The following MRTFB variants were observed in gnomAD, a reference collection of about 807,000 sequenced individuals.
MRTFB encodes the protein myocardin-related transcription factor B.
Under a neutral mutation model 104.2 loss-of-function variants are expected in MRTFB, and 29 were observed. The observed-to-expected ratio is 0.28, with a 90% CI of 0.21 to 0.38. MRTFB has a LOEUF of 0.38. MRTFB is among the 10% of genes least tolerant of loss of function. MRTFB has a pLI of 1.00. For synonymous variants in MRTFB, 535 were observed against 519.5 expected (o/e 1.03, Z -0.41); for missense variants, 1,270 against 1,341.6 (o/e 0.95, Z 0.83).
At chr16:14,066,593 C>T (rs139989955), upstream of MRTFB, among the ~76,000 whole-genome samples, 175 of 151,782 alleles carry the variant, frequency 1.2e-3, 7 homozygotes, top group East Asian at 0.033. Context: ...TTTTTTAAAA[C>T]CTCTTACTTT....
intron 2 of MRTFB, among the ~76,000 whole-genome samples, chr16:14,127,740 A>G (rs1489566065): frequency 6.6e-6 from 1 of 150,658 alleles, no homozygotes; most frequent in Non-Finnish European, 1.5e-5. Flanking sequence ...ACAGCTGAGA[A>G]CCACTCTACT....
At chr16:14,245,848 G>C (rs30149) in intron 11 of MRTFB, among the ~76,000 whole-genome samples, 188 bp downstream of exon 11, 10,659 of 152,244 alleles carry the variant, frequency 0.07, 620 homozygotes, top group East Asian at 0.31. Context: ...ACCAATAACT[G>C]TCATTTACTG....
intron 8 of MRTFB, among the ~76,000 whole-genome samples, chr16:14,227,967 A>C (rs2042085906): frequency 1.3e-5 from 2 of 151,918 alleles, no homozygotes; most frequent in African/African-American, 4.8e-5. Context: ...AAAAAAAAAA[A>C]CAGGCAAAGG....
chr16:14,007,734 G>A, the MRTFB span, among the ~76,000 whole-genome samples: 4 of 152,272 alleles, frequency 2.6e-5, no homozygotes, highest in Admixed American at 1.3e-4. Flanking sequence ...CAGTTATTAC[G>A]ATCTGTCTTT....
the MRTFB span, among the ~76,000 whole-genome samples, chr16:14,024,756 C>T: frequency 6.6e-6 from 1 of 152,130 alleles, no homozygotes; most frequent in African/African-American, 2.4e-5. Context: ...TTTAATTTTA[C>T]ATTTTTATTT....
At chr16:14,127,934 T>A (rs1204635244) in intron 2 of MRTFB, among the ~76,000 whole-genome samples, 1,759 of 71,954 alleles carry the variant, frequency 0.024, 5 homozygotes, top group Non-Finnish European at 0.029. Flanking sequence ...TATATATTTT[T>A]TTTTTTTTTT....
At chr16:14,129,803 C>T (rs1416406254) in intron 2 of MRTFB, among the ~76,000 whole-genome samples, 2 of 152,040 alleles carry the variant, frequency 1.3e-5, no homozygotes, top group African/African-American at 2.4e-5. Context: ...CCTCATTAGT[C>T]ATGCATATGT....
intron 16 of MRTFB, among the ~76,000 whole-genome samples, chr16:14,260,354 T>TAA (rs11334309): frequency 5.6e-4 from 72 of 129,282 alleles, no homozygotes; most frequent in African/African-American, 1.6e-3. Context: ...ACTGTAATGA[T>TAA]AAAAAAAAAA....
chr16:13,999,697 G>A, the MRTFB span, among the ~76,000 whole-genome samples: 2 of 152,144 alleles, frequency 1.3e-5, no homozygotes, highest in African/African-American at 4.8e-5. Context: ...TAGAGCGAGA[G>A]ATGGAGAACG....
At chr16:14,221,221 G>C (rs1283843887) in intron 8 of MRTFB, among the ~76,000 whole-genome samples, 4 of 152,042 alleles carry the variant, frequency 2.6e-5, no homozygotes, top group East Asian at 1.9e-4. Flanking sequence ...TTTTGTTTTG[G>C]CAAATTTTAT....
At chr16:14,032,818 C>A in the MRTFB span, among the ~76,000 whole-genome samples, 473 of 152,104 alleles carry the variant, frequency 3.1e-3, 3 homozygotes, top group African/African-American at 0.011. Context: ...TGTGGAAAAC[C>A]CACACTTTTG....
intron 2 of MRTFB, among the ~76,000 whole-genome samples, chr16:14,095,063 C>A (rs2035287366): frequency 6.6e-6 from 1 of 152,148 alleles, no homozygotes; most frequent in African/African-American, 2.4e-5. Context: ...TCTTATCTTA[C>A]CAAAGAGAAC....
chr16:14,129,166 A>G (rs1399039723), intron 2 of MRTFB, among the ~76,000 whole-genome samples: 2 of 152,212 alleles, frequency 1.3e-5, no homozygotes, highest in East Asian at 1.9e-4. Flanking sequence ...CATTTAGGTC[A>G]TTTGGGTAGT....
At chr16:14,215,098 A>G (rs1282901761) in intron 6 of MRTFB, among the ~76,000 whole-genome samples, 2 of 152,212 alleles carry the variant, frequency 1.3e-5, no homozygotes, top group South Asian at 2.1e-4. Context: ...TGTAGTAACA[A>G]TGCTATCTGT....
chr16:14,174,689 C>G (rs2039526573), intron 3 of MRTFB, among the ~76,000 whole-genome samples: 1 of 151,832 alleles, frequency 6.6e-6, no homozygotes, highest in Non-Finnish European at 1.5e-5. Flanking sequence ...CTCCCCACCC[C>G]CCAGAAAAAA....
chr16:13,999,259 T>G, the MRTFB span, among the ~76,000 whole-genome samples: 1 of 151,428 alleles, frequency 6.6e-6, no homozygotes, highest in Admixed American at 6.6e-5. Flanking sequence ...AGGATGAAAC[T>G]GCAAAATGAA....
At chr16:14,197,836 G>A (rs2040507625) in intron 3 of MRTFB, among the ~76,000 whole-genome samples, 1 of 152,116 alleles carries the variant, frequency 6.6e-6, no homozygotes, top group Non-Finnish European at 1.5e-5. Flanking sequence ...GAATTATGGT[G>A]GTGAGAGGGG....
intron 2 of MRTFB, among the ~76,000 whole-genome samples, chr16:14,101,719 T>A (rs894434221): frequency 1.3e-5 from 2 of 152,036 alleles, no homozygotes; most frequent in Non-Finnish European, 2.9e-5. Flanking sequence ...GAGATTATTA[T>A]AAAGATCTAC....
chr16:14,163,870 A>G (rs2039134776), intron 3 of MRTFB, among the ~76,000 whole-genome samples: 1 of 151,476 alleles, frequency 6.6e-6, no homozygotes, highest in African/African-American at 2.4e-5. Flanking sequence ...TTATTTTCTC[A>G]TATTTATGTT....
Sources: gnomAD v4.1 joint callset for allele counts (sites outside exome capture counted in the v4.1 genomes callset) on GRCh38, gnomAD v4.1.1 for gene constraint, MANE v1.5 for transcripts, NCBI Gene and HGNC (gene_info 2026-07-23, HGNC 2026-07-21) for gene names.